CDCA2: variants seen among roughly 807,000 people sequenced by gnomAD.
The protein encoded by CDCA2 is cell division cycle-associated protein 2.
A neutral mutation model predicts 67.0 loss-of-function variants in CDCA2; 44 were observed. That is an observed-to-expected ratio of 0.66 (90% CI 0.52 to 0.84). The LOEUF is 0.84. Among genes scored for constraint, CDCA2 ranks in the 40% least tolerant of loss-of-function variants. The pLI is 0.00. For synonymous variants in CDCA2, 447 were observed against 418.7 expected (o/e 1.07, Z -0.82); for missense variants, 1,253 against 1,203.2 (o/e 1.04, Z -0.61).
At chr8:25,503,579 CT>C in intron 14 of CDCA2, 35 bp downstream of exon 14, 1 of 1,561,222 alleles carries the variant, frequency 6.4e-7, no homozygotes, top group Non-Finnish European at 8.6e-7. Context: ...TATATTTTAT[CT>C]TTTCTCTTCA....
chr8:25,487,735 G>A (rs748040197), intron 12 of CDCA2, among the ~76,000 whole-genome samples: 3 of 151,560 alleles, frequency 2.0e-5, no homozygotes, highest in Admixed American at 6.6e-5. Context: ...GTGAGACTCC[G>A]TCTCAAAAAA....
chr8:25,497,505 A>T (rs1472351585), intron 13 of CDCA2, among the ~76,000 whole-genome samples: 1,305 of 29,024 alleles, frequency 0.045, 32 homozygotes, highest in African/African-American at 0.066. Flanking sequence ...AAAATAAAAA[A>T]TAAAAAAAAA....
At position 25,467,041 on chromosome 8, in the gene CDCA2, C is replaced by CAAAAAA. The variant is rs59618544; in HGVS notation, c.538+736_538+741dup. Among the ~76,000 whole-genome samples the CAAAAAA allele has an allele frequency of 9.2e-3, 454 of 49,092 alleles. 53 individuals carry two copies. Among genetic ancestry groups the CAAAAAA allele is most frequent in the South Asian group, 0.029 (24 of 840 alleles). 32.2% of individuals were successfully genotyped at this position (49,092 alleles called of 152,430 possible). The stretch of plus-strand genomic sequence containing the variant: ...TGGGCGAAGAAGTGAGAGTCCCTTT[C>CAAAAAA]AAAAAAAAAAAAAAAAAAAAAAAAA... On this transcript the variant is annotated intron_variant, in intron 5 of 14. Coordinates refer to ENST00000330560, the MANE Select transcript of CDCA2 (RefSeq NM_152562.4).
rs76284346 is a variant in CDCA2 at position 25,488,890 on chromosome 8, C to T, written c.1671+201C>T. On this transcript the variant is annotated intron_variant, in intron 13 of 14. Coordinates refer to ENST00000330560, the MANE Select transcript of CDCA2 (RefSeq NM_152562.4). ...CTAAGGAACACTTTTGCGTCTTCTT[C>T]ATCTTCTTGTGTTGCGTACTTCCTG... is the stretch of plus-strand genomic sequence containing the variant. Among the ~76,000 whole-genome samples the T allele has an allele frequency of 2.8e-3, 424 of 152,240 alleles. 3 individuals are homozygous for T. The highest frequency in any genetic ancestry group is 9.7e-3 in the African/African-American group (401 of 41,540).
At chr8:25,468,481 G>C in intron 6 of CDCA2, 68 bp downstream of exon 6, 1 of 1,285,388 alleles carries the variant, frequency 7.8e-7, no homozygotes, top group South Asian at 1.3e-5. Flanking sequence ...TTTTAAGGCT[G>C]TCAGTGCCGT....
At position 25,480,249 on chromosome 8, in the gene CDCA2, A is replaced by G. The variant is rs1803517256; in HGVS notation, c.1032+125A>G. 8 of 813,466 alleles carry G rather than the reference A, an allele frequency of 9.8e-6. No individual in the cohort carries two copies. The East Asian group carries it at 1.9e-4, about 19-fold the overall frequency. The allele number at this position is 813,466 out of a possible 1,614,324, so 50.4% of individuals were successfully genotyped here. ...AAATGTCTTACTCGTCTTACCGTAA[A>G]TTTTTTTCCTCATCTTTTCTTATTA... On this transcript the variant is annotated intron_variant, in intron 8 of 14. Transcript: ENST00000330560.
intron 13 of CDCA2, among the ~76,000 whole-genome samples, chr8:25,494,830 T>A (rs1031987007): frequency 1.3e-5 from 2 of 152,126 alleles, no homozygotes; most frequent in Non-Finnish European, 2.9e-5. Context: ...ACTGGTGTTC[T>A]TATAAGAGGA....
At chr8:25,478,346 A>AG (rs1193180797) in intron 7 of CDCA2, among the ~76,000 whole-genome samples, 1 of 152,172 alleles carries the variant, frequency 6.6e-6, no homozygotes, top group Non-Finnish European at 1.5e-5. Context: ...AGTGTGGTCC[A>AG]GGCCATCACC....
intron 7 of CDCA2, among the ~76,000 whole-genome samples, chr8:25,470,241 T>C (rs1439438490): frequency 6.6e-6 from 1 of 152,212 alleles, no homozygotes; most frequent in East Asian, 1.9e-4. Flanking sequence ...TATTAACAAG[T>C]ATTCTTTGTT....
chr8:25,500,587 G>A (rs1185249649), intron 13 of CDCA2, among the ~76,000 whole-genome samples: 2 of 151,938 alleles, frequency 1.3e-5, no homozygotes, highest in Non-Finnish European at 2.9e-5. Flanking sequence ...ACTCACCGCC[G>A]CCTCAACCTC....
intron 5 of CDCA2, 58 bp from the exon 6 acceptor site, chr8:25,468,159 A>G (rs1219994748): frequency 9.7e-6 from 6 of 615,658 alleles, no homozygotes; most frequent in African/African-American, 5.7e-5. Flanking sequence ...AAAAATATAT[A>G]TAATATATAT....
intron 7 of CDCA2, among the ~76,000 whole-genome samples, chr8:25,476,549 CTTTTTTTTCTT>C (rs1803357064): frequency 6.6e-6 from 1 of 150,840 alleles, no homozygotes; most frequent in Admixed American, 6.6e-5. Flanking sequence ...GGGCCAGCCT[CTTTTTTTTCTT>C]TTTTTTTTTT....
At chr8:25,462,997 A>T (rs183742247) in intron 4 of CDCA2, among the ~76,000 whole-genome samples, 1 of 152,220 alleles carries the variant, frequency 6.6e-6, no homozygotes, top group East Asian at 1.9e-4. Context: ...GAGTTATGAG[A>T]CCCTGGATAG....
intron 13 of CDCA2, among the ~76,000 whole-genome samples, chr8:25,495,383 T>A (rs1199701278): frequency 6.6e-6 from 1 of 152,108 alleles, no homozygotes; most frequent in Non-Finnish European, 1.5e-5. Context: ...ATTAAGAATT[T>A]TTTCAAACCT....
chr8:25,494,527 A>G (rs73550855), intron 13 of CDCA2, among the ~76,000 whole-genome samples: 203 of 152,306 alleles, frequency 1.3e-3, no homozygotes, highest in African/African-American at 4.4e-3. Flanking sequence ...GTGCCATTTT[A>G]TGTCGGGGAC....
intron 13 of CDCA2, among the ~76,000 whole-genome samples, chr8:25,494,210 A>C (rs556880836): frequency 6.6e-6 from 1 of 152,140 alleles, no homozygotes. Flanking sequence ...CTGTAATCTC[A>C]GCACTTTGGG....
At chr8:25,480,816 T>A (rs1803539174) in intron 8 of CDCA2, among the ~76,000 whole-genome samples, 2 of 152,208 alleles carry the variant, frequency 1.3e-5, no homozygotes, top group Non-Finnish European at 2.9e-5. Flanking sequence ...AGATCTTGAC[T>A]TGGAAATGTA....
intron 1 of CDCA2, among the ~76,000 whole-genome samples, chr8:25,459,987 G>T (rs1303168157): frequency 6.6e-6 from 1 of 152,122 alleles, no homozygotes; most frequent in Non-Finnish European, 1.5e-5. Flanking sequence ...ATAAATATTT[G>T]AGATAATGGC....
At chr8:25,504,995 G>A (rs190681847) in intron 14 of CDCA2, among the ~76,000 whole-genome samples, 3 of 152,182 alleles carry the variant, frequency 2.0e-5, no homozygotes, top group Non-Finnish European at 4.4e-5. Context: ...ATGTTGTATC[G>A]TATTAGAGAA....
Sources: gnomAD v4.1 joint callset for allele counts (sites outside exome capture counted in the v4.1 genomes callset) on GRCh38, gnomAD v4.1.1 for gene constraint, MANE v1.5 for transcripts, NCBI Gene and HGNC (gene_info 2026-07-23, HGNC 2026-07-21) for gene names.